The following EIF2S2 variants were observed in gnomAD, a reference collection of about 807,000 sequenced individuals.
EIF2S2 encodes eukaryotic translation initiation factor 2 subunit beta, also known as eukaryotic translation initiation factor 2 subunit 2.
Under a neutral mutation model 44.0 loss-of-function variants are expected in EIF2S2, and 4 were observed. The observed-to-expected ratio is 0.09, with a 90% CI of 0.04 to 0.21. The LOEUF is 0.21. Among genes scored for constraint, EIF2S2 ranks in the 10% least tolerant of loss-of-function variants. The pLI, the probability that EIF2S2 is intolerant of heterozygous loss-of-function variation, is 1.00. For missense variants in EIF2S2, 154 were observed against 392.0 expected (o/e 0.39, Z 5.13); for synonymous variants, 108 against 128.3 (o/e 0.84, Z 1.07).
chr20:34,101,170 C>T (rs567870150), intron 3 of EIF2S2, among the ~76,000 whole-genome samples: 7 of 152,188 alleles, frequency 4.6e-5, no homozygotes, highest in African/African-American at 2.4e-5. Context: ...GCCAGCCAGG[C>T]GCAGTGGCTC....
chr20:34,106,150 G>C (rs1358168333), intron 1 of EIF2S2, among the ~76,000 whole-genome samples: 1 of 151,940 alleles, frequency 6.6e-6, no homozygotes, highest in Non-Finnish European at 1.5e-5. Flanking sequence ...AAACTGCCAG[G>C]CACAAACAAT....
intron 1 of EIF2S2, 87 bp downstream of exon 1, chr20:34,112,009 C>A: frequency 7.8e-7 from 1 of 1,286,914 alleles, no homozygotes; most frequent in Non-Finnish European, 1.0e-6. Context: ...CGGCCGGCTG[C>A]TAGGCCGCAG....
At chr20:34,109,420 G>C (rs1366651528) in intron 1 of EIF2S2, among the ~76,000 whole-genome samples, 1 of 152,148 alleles carries the variant, frequency 6.6e-6, no homozygotes, top group Non-Finnish European at 1.5e-5. Context: ...GTTCCATGTT[G>C]GGAGGCTGAG....
intron 1 of EIF2S2, chr20:34,108,102 GCATTTTTTCAAGCAT>G (rs1420445837): frequency 6.6e-6 from 1 of 152,138 alleles, no homozygotes; most frequent in African/African-American, 2.4e-5. Context: ...TCCATTTATT[GCATTTTTTCAAGCAT>G]CAAGTTCCCT....
At chr20:34,111,177 G>A (rs1240641153) in intron 1 of EIF2S2, among the ~76,000 whole-genome samples, 2 of 152,124 alleles carry the variant, frequency 1.3e-5, no homozygotes, top group African/African-American at 4.8e-5. Flanking sequence ...AATCAAACTG[G>A]AGATTATTCT....
At chr20:34,098,676 T>C (rs2034260990) in intron 3 of EIF2S2, 43 bp from the exon 4 acceptor site, 1 of 1,581,990 alleles carries the variant, frequency 6.3e-7, no homozygotes, top group Non-Finnish European at 8.6e-7. Context: ...ACTGGGACTA[T>C]TCTTTTTTAT....
In EIF2S2 at chr20:34,093,731, T is replaced by C; in HGVS notation, c.684A>G (p.Leu228=). ...GGAGATGTTTGGGCTGACGATGTAA[T>C]CTAAAAAGAAAATCAAAATATATAA... ...SFVNFTDICK[L]LHRQPKHLLA... is the part of the protein sequence containing the mutation. Residue 228 remains leucine (L), a splice_region_variant and synonymous_variant, in exon 7 of 9, where the codon CTA becomes CTG. Coordinates refer to ENST00000374980, the MANE Select transcript of EIF2S2 (RefSeq NM_003908.5). The C allele has an allele frequency of 6.2e-7, 1 of 1,602,900 alleles. No individual in the cohort carries two copies. Among genetic ancestry groups the C allele is most frequent in the Non-Finnish European group, 8.5e-7 (1 of 1,173,054 alleles).
rs1349945457 is a variant in EIF2S2, at chr20:34,097,401, C to T, written c.534+15G>A. ...TGAATAGCTTAGCCCCTTTTCACAA[C>T]AGATTTTGTCTTACCTCCTCGTATG... On this transcript the variant is annotated intron_variant, in intron 5 of 8. Transcript: ENST00000374980. The T allele has an allele frequency of 6.2e-7, 1 of 1,606,034 alleles. No individual in the cohort carries two copies. The highest frequency in any genetic ancestry group is 1.7e-5 in the Admixed American group (1 of 59,452).
chr20:34,099,321 C>T (rs576352686), intron 3 of EIF2S2, among the ~76,000 whole-genome samples: 13 of 151,326 alleles, frequency 8.6e-5, no homozygotes, highest in Non-Finnish European at 1.6e-4. Flanking sequence ...CGTGCCACCG[C>T]ACTCCAGCCT....
At chr20:34,102,876 C>T (rs1299009990) in intron 3 of EIF2S2, among the ~76,000 whole-genome samples, 4 of 152,172 alleles carry the variant, frequency 2.6e-5, no homozygotes, top group Non-Finnish European at 5.9e-5. Context: ...ATTCACCTTC[C>T]TGCCCACCTG....
intron 3 of EIF2S2, among the ~76,000 whole-genome samples, chr20:34,103,106 C>T (rs2034311978): frequency 6.6e-6 from 1 of 152,092 alleles, no homozygotes; most frequent in Non-Finnish European, 1.5e-5. Context: ...TGTATATATT[C>T]AATATGTTAC....
chr20:34,111,260 T>C (rs1323841331), intron 1 of EIF2S2, among the ~76,000 whole-genome samples: 1 of 152,224 alleles, frequency 6.6e-6, no homozygotes, highest in East Asian at 1.9e-4. Flanking sequence ...TCCTATTGCC[T>C]GAGGAAATTC....
At chr20:34,111,381 G>C (rs1291098957) in intron 1 of EIF2S2, among the ~76,000 whole-genome samples, 1 of 152,138 alleles carries the variant, frequency 6.6e-6, no homozygotes, top group African/African-American at 2.4e-5. Flanking sequence ...AAATCTGAGG[G>C]AAAGGGATTT....
intron 3 of EIF2S2, 30 bp from the exon 4 acceptor site, chr20:34,098,663 G>C (rs2034260800): frequency 1.2e-6 from 2 of 1,606,812 alleles, no homozygotes; most frequent in African/African-American, 2.7e-5. Flanking sequence ...CTGAACATTT[G>C]ATACTGGGAC....
rs191228107 is a variant in EIF2S2 at position 34,110,868 on chromosome 20, C to A, written c.15+1228G>T. Among the ~76,000 whole-genome samples, 12 of 152,340 alleles carry A rather than the reference C, an allele frequency of 7.9e-5. 1 individual carries two copies. The East Asian group carries it at 2.1e-3, about 27-fold the overall frequency. ...CAGCAGCCTAGAGCAATGTCTATAA[C>A]CGCCAAGGACCATATACAAACTTTC... On this transcript the variant is annotated intron_variant, in intron 1 of 8. Transcript: ENST00000374980.
At chr20:34,099,774 G>GTAC (rs2034274605) in intron 3 of EIF2S2, among the ~76,000 whole-genome samples, 1 of 152,126 alleles carries the variant, frequency 6.6e-6, no homozygotes, top group Non-Finnish European at 1.5e-5. Context: ...ACTCAGGAAA[G>GTAC]TACTTACTAC....
chr20:34,102,574 A>G (rs2034306465), intron 3 of EIF2S2, among the ~76,000 whole-genome samples: 1 of 152,206 alleles, frequency 6.6e-6, no homozygotes, highest in African/African-American at 2.4e-5. Flanking sequence ...TACTGTATAC[A>G]TTTCCTGCTA....
chr20:34,102,430 AAT>A (rs2034305106), intron 3 of EIF2S2, among the ~76,000 whole-genome samples: 1 of 152,182 alleles, frequency 6.6e-6, no homozygotes, highest in South Asian at 2.1e-4. Context: ...AAACAGGAAA[AAT>A]ATCTTACTCA....
chr20:34,091,328 G>T (rs2034159797), intron 7 of EIF2S2, among the ~76,000 whole-genome samples: 1 of 152,188 alleles, frequency 6.6e-6, no homozygotes, highest in African/African-American at 2.4e-5. Flanking sequence ...CAAATATTTT[G>T]ATTCAGGCAT....
Sources: gnomAD v4.1 joint callset for allele counts (sites outside exome capture counted in the v4.1 genomes callset) on GRCh38, gnomAD v4.1.1 for gene constraint, MANE v1.5 for transcripts, NCBI Gene and HGNC (gene_info 2026-07-23, HGNC 2026-07-21) for gene names.